Variants in FRMD4A observed in about 807,000 individuals in gnomAD.
FRMD4A encodes the protein FERM domain-containing protein 4A.
FRMD4A carries 29 observed loss-of-function variants against 129.1 expected under a neutral mutation model. The ratio of observed to expected loss-of-function variants is 0.22; its 90% CI spans 0.17 to 0.31. The LOEUF (loss-of-function observed/expected upper bound fraction) is 0.31. Among genes scored for constraint, FRMD4A ranks in the 10% least tolerant of loss-of-function variants. The pLI is 1.00. For synonymous variants in FRMD4A, 634 were observed against 571.6 expected (o/e 1.11, Z -1.56); for missense variants, 1,272 against 1,375.8 (o/e 0.92, Z 1.19).
At chr10:13,916,143 C>T (rs2095001638) in intron 2 of FRMD4A, among the ~76,000 whole-genome samples, 1 of 152,236 alleles carries the variant, frequency 6.6e-6, no homozygotes, top group Non-Finnish European at 1.5e-5. Context: ...CTGCTACACC[C>T]TGTGGCTGCC....
At chr10:14,163,652 G>A (rs1008057108) in intron 2 of FRMD4A, among the ~76,000 whole-genome samples, 1 of 152,208 alleles carries the variant, frequency 6.6e-6, no homozygotes, top group Non-Finnish European at 1.5e-5. Context: ...ATAAGCAAAT[G>A]AGATTCCAGA....
At chr10:13,930,553 G>A (rs572004398) in intron 2 of FRMD4A, among the ~76,000 whole-genome samples, 1 of 152,286 alleles carries the variant, frequency 6.6e-6, no homozygotes, top group East Asian at 1.9e-4. Flanking sequence ...TCCCTGTGGT[G>A]TTGAAAATGA....
intron 16 of FRMD4A, among the ~76,000 whole-genome samples, chr10:13,672,771 G>C (rs1182881185): frequency 6.6e-6 from 1 of 152,114 alleles, no homozygotes; most frequent in Non-Finnish European, 1.5e-5. Flanking sequence ...TTGATACTCT[G>C]AGCTGAGGGG....
At chr10:14,281,962 AAG>A (rs1845533216) in intron 2 of FRMD4A, among the ~76,000 whole-genome samples, 1 of 152,210 alleles carries the variant, frequency 6.6e-6, no homozygotes, top group South Asian at 2.1e-4. Context: ...TATAAAGAAA[AAG>A]AGATTTAATG....
chr10:13,659,208 C>G, intron 21 of FRMD4A, 115 bp downstream of exon 21: 1 of 951,414 alleles, frequency 1.1e-6, no homozygotes, highest in Non-Finnish European at 1.7e-6. Flanking sequence ...TTCATTTATC[C>G]TCCCAGGTTC....
At chr10:13,713,028 G>C (rs1241255176) in intron 12 of FRMD4A, among the ~76,000 whole-genome samples, 1 of 152,220 alleles carries the variant, frequency 6.6e-6, no homozygotes, top group Admixed American at 6.5e-5. Context: ...CTCCCAGGAC[G>C]ATGTGGAAAT....
chr10:13,872,235 G>T (rs1337474932), intron 2 of FRMD4A, among the ~76,000 whole-genome samples: 1 of 152,224 alleles, frequency 6.6e-6, no homozygotes, highest in Non-Finnish European at 1.5e-5. Context: ...TGTGGCTCTG[G>T]ATGGGTGAGG....
chr10:13,666,001 TGCTCAGGTCGTGCAGGGACCACTC>T, intron 18 of FRMD4A, 72 bp downstream of exon 18: 1 of 730,184 alleles, frequency 1.4e-6, no homozygotes, highest in South Asian at 1.6e-5. Flanking sequence ...GTTAGGCAGC[TGCTCAGGTCGTGCAGGGACCACTC>T]GTGGGACCTG....
rs112275577 is a variant in FRMD4A at position 14,249,392 on chromosome 10, C to A, written c.45+80666G>T. ...AAGAAACAAATAGATATTGAAATAACTTTCCTAAAATCAAAGAACTAGTGT... is the reference window on the plus strand; with the variant it reads ...AAGAAACAAATAGATATTGAAATAAATTTCCTAAAATCAAAGAACTAGTGT... On this transcript the variant is annotated intron_variant, in intron 2 of 24. Transcript: ENST00000357447. Among the ~76,000 whole-genome samples the A allele has an allele frequency of 1.6e-3, 246 of 151,592 alleles. 1 individual carries two copies. Among genetic ancestry groups the A allele is most frequent in the African/African-American group, 5.8e-3 (240 of 41,176 alleles).
chr10:13,729,207 G>A (rs1425672643), intron 12 of FRMD4A, among the ~76,000 whole-genome samples: 2 of 152,144 alleles, frequency 1.3e-5, no homozygotes, highest in Admixed American at 6.5e-5. Context: ...AGGCCCTTTG[G>A]TCCTACACTG....
At position 14,330,635 on chromosome 10, in the gene FRMD4A, G is replaced by A; in HGVS notation, c.-120C>T. On this transcript the variant is annotated 5_prime_UTR_variant, in exon 1 of 25. Transcript: ENST00000357447. ...GTCAGTGTCTTCTTTGCTGCAGATA[G>A]GTGTGTCCCTTTTTGCAAAATCAGA... 2.5e-6 allele frequency: 1 copy of A among 398,072 alleles called. No individual in the cohort carries two copies. The highest frequency in any genetic ancestry group is 4.4e-6 in the Non-Finnish European group (1 of 226,208). 24.7% of individuals were successfully genotyped at this position (398,072 alleles called of 1,614,324 possible). A position where few individuals can be genotyped will look rare whatever the true frequency, so the allele number is the denominator to read the frequency against.
intron 15 of FRMD4A, chr10:13,684,584 G>T: frequency 2.2e-5 from 22 of 985,408 alleles, no homozygotes; most frequent in Non-Finnish European, 2.7e-5. Flanking sequence ...TCATTCAGCC[G>T]CGAGCCAGAA....
intron 2 of FRMD4A, among the ~76,000 whole-genome samples, chr10:14,298,127 T>C (rs142274041): frequency 6.6e-6 from 1 of 152,336 alleles, no homozygotes; most frequent in African/African-American, 2.4e-5. Context: ...AGGTGAGCAG[T>C]TGTGACAATA....
intron 12 of FRMD4A, among the ~76,000 whole-genome samples, chr10:13,736,441 C>T (rs1342190610): frequency 6.6e-6 from 1 of 152,232 alleles, no homozygotes. Context: ...ACTCCCTCCA[C>T]CCGCCAAAGA....
chr10:13,904,314 G>A (rs1289540684), intron 2 of FRMD4A, among the ~76,000 whole-genome samples: 2 of 152,078 alleles, frequency 1.3e-5, no homozygotes, highest in African/African-American at 4.8e-5. Flanking sequence ...GTACATCTGC[G>A]CGGAAAACCC....
At chr10:14,012,807 A>C (rs1281403179) in intron 2 of FRMD4A, among the ~76,000 whole-genome samples, 3 of 152,074 alleles carry the variant, frequency 2.0e-5, no homozygotes, top group Non-Finnish European at 4.4e-5. Context: ...TGAAATTACC[A>C]CTAGTGAGGC....
intron 2 of FRMD4A, among the ~76,000 whole-genome samples, chr10:14,247,898 C>T (rs1233807107): frequency 1.3e-5 from 2 of 151,770 alleles, no homozygotes; most frequent in African/African-American, 4.8e-5. Context: ...GACCTTCACA[C>T]GAAACAGCAT....
intron 24 of FRMD4A, chr10:13,648,223 G>A (rs1258390949): frequency 2.0e-5 from 3 of 152,220 alleles, no homozygotes; most frequent in African/African-American, 4.8e-5. Flanking sequence ...ACCAGCTTCA[G>A]AAGCAAAGTA....
chr10:14,281,150 A>G (rs1455274106), intron 2 of FRMD4A, among the ~76,000 whole-genome samples: 1 of 151,562 alleles, frequency 6.6e-6, no homozygotes, highest in East Asian at 1.9e-4. Context: ...ACACCACCAC[A>G]CCCAGCTAAT....
Sources: allele counts gnomAD v4.1 joint callset (sites outside exome capture counted in the v4.1 genomes callset), GRCh38; gene constraint gnomAD v4.1.1; transcripts MANE v1.5; gene names NCBI Gene and HGNC (gene_info 2026-07-23, HGNC 2026-07-21).